Variants in CDH4 observed in about 807,000 individuals in gnomAD.
CDH4 encodes cadherin 4, also known as cadherin-4.
Under a neutral mutation model 86.0 loss-of-function variants are expected in CDH4, and 33 were observed. The observed-to-expected ratio is 0.38, with a 90% CI of 0.29 to 0.51. The LOEUF (loss-of-function observed/expected upper bound fraction) is 0.51. Ranked by LOEUF, CDH4 falls within the 20% of genes least tolerant of loss-of-function variation. CDH4 has a pLI of 0.86. For missense variants in CDH4, 1,114 were observed against 1,307.4 expected, an observed-to-expected ratio of 0.85 and a Z score of 2.28; for synonymous variants, 555 against 549.4, an observed-to-expected ratio of 1.01 and a Z score of -0.14.
At chr20:61,361,638 G>A (rs2084783490) in intron 2 of CDH4, among the ~76,000 whole-genome samples, 1 of 152,186 alleles carries the variant, frequency 6.6e-6, no homozygotes. Context: ...CTCCTTCCTT[G>A]AACAGACATC....
intron 2 of CDH4, among the ~76,000 whole-genome samples, chr20:61,462,450 A>G (rs796609334): frequency 6.6e-6 from 1 of 152,350 alleles, no homozygotes; most frequent in African/African-American, 2.4e-5. Context: ...ATTTATTCTC[A>G]CCTGGTAAAT....
intron 2 of CDH4, among the ~76,000 whole-genome samples, chr20:61,466,082 G>A (rs1041079197): frequency 6.6e-6 from 1 of 152,144 alleles, no homozygotes; most frequent in Non-Finnish European, 1.5e-5. Context: ...CATAGAATGT[G>A]TTCCTGTGCA....
chr20:61,908,225 G>A (rs904826729), intron 8 of CDH4, among the ~76,000 whole-genome samples: 16 of 152,164 alleles, frequency 1.1e-4, no homozygotes, highest in Admixed American at 9.2e-4. Flanking sequence ...TTCTTCTGTC[G>A]CGTCGCCGTC....
At chr20:61,423,734 A>G (rs1204069425) in intron 2 of CDH4, among the ~76,000 whole-genome samples, 1 of 152,136 alleles carries the variant, frequency 6.6e-6, no homozygotes, top group Non-Finnish European at 1.5e-5. Flanking sequence ...TGCATCATTA[A>G]TAACACTTCC....
rs189097525 is a variant in CDH4, at chr20:61,321,838, G to T, written c.169+66901G>T. 1.6e-4 allele frequency among the ~76,000 whole-genome samples: 24 copies of T among 152,178 alleles called. No individual in the cohort carries two copies. In the East Asian group the frequency reaches 4.6e-3, roughly 29 times the overall value. On this transcript the variant is annotated intron_variant, in intron 2 of 15. Transcript: ENST00000614565. ...CCCTTGTCCAATAGCTGCCAAAGAC[G>T]CTCACCTCATGTTCCTTAGCTCAGT...
chr20:61,885,416 T>C (rs1314217244), intron 7 of CDH4, among the ~76,000 whole-genome samples: 1 of 152,202 alleles, frequency 6.6e-6, no homozygotes, highest in Non-Finnish European at 1.5e-5. Flanking sequence ...TGGCGTTTCG[T>C]GTCTGGTGTC....
intron 2 of CDH4, among the ~76,000 whole-genome samples, chr20:61,686,773 G>T (rs377295431): frequency 6.6e-6 from 1 of 151,924 alleles, no homozygotes; most frequent in South Asian, 2.1e-4. Flanking sequence ...GTGCATTCGC[G>T]CGTGTGTGTG....
intron 4 of CDH4, among the ~76,000 whole-genome samples, chr20:61,790,459 TCCATCCACCCAC>T (rs930932710): frequency 1.3e-5 from 2 of 150,522 alleles, no homozygotes; most frequent in South Asian, 2.1e-4. Context: ...CATCCACCCA[TCCATCCACCCAC>T]CCACCATCCT....
At chr20:61,615,542 T>A (rs1346395446) in intron 2 of CDH4, among the ~76,000 whole-genome samples, 1 of 152,224 alleles carries the variant, frequency 6.6e-6, no homozygotes, top group Non-Finnish European at 1.5e-5. Flanking sequence ...TAATATTTTG[T>A]AAAGAAAAAT....
At chr20:61,734,122 G>A (rs1009903228) in intron 2 of CDH4, among the ~76,000 whole-genome samples, 5 of 152,160 alleles carry the variant, frequency 3.3e-5, no homozygotes, top group South Asian at 2.1e-4. Context: ...GTGGGTGCGC[G>A]ATGCCGAGTC....
chr20:61,853,264 G>C (rs903666726), intron 6 of CDH4, among the ~76,000 whole-genome samples: 8 of 152,126 alleles, frequency 5.3e-5, no homozygotes, highest in African/African-American at 9.7e-5. Context: ...GTGGGACTGG[G>C]GTGGGCTCCC....
At chr20:61,793,271 G>A (rs1443196323) in intron 4 of CDH4, among the ~76,000 whole-genome samples, 1 of 152,078 alleles carries the variant, frequency 6.6e-6, no homozygotes. Flanking sequence ...GGCCCAGATG[G>A]TGCAGTCTTA....
At chr20:61,467,336 TC>T (rs1298928800) in intron 2 of CDH4, among the ~76,000 whole-genome samples, 2 of 152,380 alleles carry the variant, frequency 1.3e-5, no homozygotes, top group East Asian at 3.9e-4. Flanking sequence ...ATATCAGCGT[TC>T]CATTTGGGTT....
At position 61,731,477 on chromosome 20, in the gene CDH4, G is replaced by A. The variant is rs533866592; in HGVS notation, c.170-12086G>A. 9.9e-4 allele frequency among the ~76,000 whole-genome samples: 150 copies of A among 152,282 alleles called. 3 individuals are homozygous for A. In the South Asian group the frequency reaches 0.03, roughly 30 times the overall value. ...ACGCCGTCCCATCACTCACTGGGCA[G>A]GGCCCATAGGGTGCACCTGGAGCCT... On this transcript the variant is annotated intron_variant, in intron 2 of 15. Transcript: ENST00000614565.
rs1004151886 is a variant in CDH4 at position 61,929,878 on chromosome 20, T to C, written c.2239+36T>C. 2.6e-6 allele frequency: 4 copies of C among 1,553,468 alleles called. No homozygotes were observed. The African/African-American group carries it at 4.1e-5, about 16-fold the overall frequency. ...CTGAGCACCAGGGTGGGCAGGGGCA[T>C]TGTGGGTATGAGTGCCCTGTCCCAG... On this transcript the variant is annotated intron_variant, in intron 13 of 15. Coordinates refer to ENST00000614565, the MANE Select transcript of CDH4 (RefSeq NM_001794.5).
At position 61,499,625 on chromosome 20, in the gene CDH4, A is replaced by T. The variant is rs2085686394; in HGVS notation, c.170-243938A>T. 6 of 786,228 alleles carry T rather than the reference A, an allele frequency of 7.6e-6. No individual in the cohort carries two copies. In the South Asian group the frequency reaches 9.8e-5, roughly 13 times the overall value. 48.7% of individuals were successfully genotyped at this position (786,228 alleles called of 1,614,324 possible). ...GGCTCCAAGCCAGAATTTAGACCTC[A>T]GCCTGCAGACACAGGACAGATCCCA... On this transcript the variant is annotated intron_variant, in intron 2 of 15. Transcript: ENST00000614565.
At chr20:61,554,040 C>T (rs1419155794) in intron 2 of CDH4, among the ~76,000 whole-genome samples, 1 of 152,208 alleles carries the variant, frequency 6.6e-6, no homozygotes, top group Non-Finnish European at 1.5e-5. Context: ...CAGAGCAGGA[C>T]TCCCCAGGGC....
chr20:61,741,780 C>T (rs903557195), intron 2 of CDH4, among the ~76,000 whole-genome samples: 1 of 152,188 alleles, frequency 6.6e-6, no homozygotes, highest in Non-Finnish European at 1.5e-5. Flanking sequence ...AGGCATGAGC[C>T]ACCACGCCCA....
intron 2 of CDH4, among the ~76,000 whole-genome samples, chr20:61,429,714 G>A (rs2085234619): frequency 6.6e-6 from 1 of 151,280 alleles, no homozygotes; most frequent in Non-Finnish European, 1.5e-5. Context: ...TGGATAGATG[G>A]GTGGATGGGT....
Sources: gnomAD v4.1 joint callset for allele counts (sites outside exome capture counted in the v4.1 genomes callset) on GRCh38, gnomAD v4.1.1 for gene constraint, MANE v1.5 for transcripts, NCBI Gene and HGNC (gene_info 2026-07-23, HGNC 2026-07-21) for gene names.